Variants in PHF20L1 observed in about 807,000 individuals in gnomAD.
PHF20L1 encodes PHD finger protein 20 like 1, also known as PHD finger protein 20-like protein 1.
In PHF20L1, 44 loss-of-function variants were observed where a neutral mutation model predicts 125.5. The ratio of observed to expected loss-of-function variants is 0.35; its 90% CI spans 0.28 to 0.45. The LOEUF is 0.45. PHF20L1 is among the 20% of genes least tolerant of loss of function. The pLI is 1.00. For missense variants in PHF20L1, 1,012 were observed against 1,217.2 expected (o/e 0.83, Z 2.51); for synonymous variants, 380 against 403.1 (o/e 0.94, Z 0.69).
chr8:132,777,659 C>A, intron 1 of PHF20L1, 133 bp from the exon 2 acceptor site: 1 of 537,798 alleles, frequency 1.9e-6, no homozygotes. Context: ...AATTTCTTAA[C>A]AATTTGGCAA....
chr8:132,793,386 A>C (rs961769367), intron 2 of PHF20L1, among the ~76,000 whole-genome samples: 1 of 152,216 alleles, frequency 6.6e-6, no homozygotes, highest in Admixed American at 6.5e-5. Flanking sequence ...TTGAGCTATA[A>C]AGTAGGTAGT....
chr8:132,848,724 C>G lies in PHF20L1; in HGVS notation c.*2801C>G, dbSNP rs564124571. 8 of 146,016 alleles carry G rather than the reference C, an allele frequency of 5.5e-5. No homozygotes were observed. The South Asian group carries it at 1.9e-3, about 35-fold the overall frequency. The allele number at this position is 146,016 out of a possible 1,614,324, so 9.0% of individuals were successfully genotyped here. A position where few individuals can be genotyped will look rare whatever the true frequency, so the allele number is the denominator to read the frequency against. The stretch of plus-strand genomic sequence containing the variant: ...CTAACACTCATCTTATTTCCACTGT[C>G]TTATTTCCTCTCAGATGTTCATATT... On this transcript the variant is annotated 3_prime_UTR_variant, in exon 21 of 21. Coordinates refer to ENST00000395386, the MANE Select transcript of PHF20L1 (RefSeq NM_016018.5).
chr8:132,827,631 A>C (rs1836331589), intron 14 of PHF20L1, among the ~76,000 whole-genome samples: 1 of 152,046 alleles, frequency 6.6e-6, no homozygotes, highest in African/African-American at 2.4e-5. Flanking sequence ...GAAGGCAGGA[A>C]ATTGTAACTT....
intron 2 of PHF20L1, among the ~76,000 whole-genome samples, chr8:132,781,884 G>C (rs1586842353): frequency 6.6e-6 from 1 of 152,198 alleles, no homozygotes; most frequent in South Asian, 2.1e-4. Context: ...TTGATAATTG[G>C]ATCTCTCCTA....
intron 2 of PHF20L1, among the ~76,000 whole-genome samples, chr8:132,790,387 C>T (rs1403636796): frequency 1.3e-5 from 2 of 152,156 alleles, no homozygotes; most frequent in Non-Finnish European, 2.9e-5. Context: ...TTGCAAAGAT[C>T]TCGATATTAC....
In PHF20L1 at chr8:132,814,817, T is replaced by C. The variant is rs1834776328; in HGVS notation, c.1111T>C (p.Ser371Pro). The change falls in exon 10 of 21, where the codon TCC becomes CCC. Residue 371 changes from serine to proline, a missense_variant. Coordinates refer to ENST00000395386, the MANE Select transcript of PHF20L1 (RefSeq NM_016018.5). ...TATAAAACCCCCTAAATCACCACTT[T>C]CCCCAGAATTAATACAAGTCGAGGA... ...GCIKPPKSPLSPELIQVEDLT... is the reference protein window; with the variant it reads ...GCIKPPKSPLPPELIQVEDLT... The C allele has an allele frequency of 4.3e-6, 7 of 1,611,774 alleles. No homozygotes were observed. Among genetic ancestry groups the C allele is most frequent in the Non-Finnish European group, 5.9e-6 (7 of 1,178,188 alleles).
intron 9 of PHF20L1, chr8:132,813,310 A>T (rs1441507170): frequency 6.2e-6 from 1 of 161,196 alleles, no homozygotes; most frequent in Non-Finnish European, 1.3e-5. Context: ...TAATGAGTAA[A>T]TTCAATAATA....
At chr8:132,809,893 T>A (rs192871687) in intron 8 of PHF20L1, 2 of 152,244 alleles carry the variant, frequency 1.3e-5, no homozygotes, top group African/African-American at 2.4e-5. Context: ...CAGGGTGGCC[T>A]TAAACAAGGC....
At chr8:132,804,066 A>G in intron 7 of PHF20L1, 34 bp downstream of exon 7, 2 of 1,343,726 alleles carry the variant, frequency 1.5e-6, no homozygotes, top group South Asian at 1.2e-5. Flanking sequence ...ATTCCTTATG[A>G]CACTGGTAAA....
chr8:132,846,149 T>A lies in PHF20L1; in HGVS notation c.*226T>A. On this transcript the variant is annotated 3_prime_UTR_variant, in exon 21 of 21. Coordinates refer to ENST00000395386, the MANE Select transcript of PHF20L1 (RefSeq NM_016018.5). ...GAGCAAGCTGCAAATGAGAATGTGT[T>A]ATATGCCAAGGAACAATGAAGTAGA... 2.2e-6 allele frequency: 1 copy of A among 455,272 alleles called. No individual in the cohort carries two copies. The highest frequency in any genetic ancestry group is 4.0e-6 in the Non-Finnish European group (1 of 252,226). 28.2% of individuals were successfully genotyped at this position (455,272 alleles called of 1,614,324 possible). A position where few individuals can be genotyped will look rare whatever the true frequency, so the allele number is the denominator to read the frequency against.
chr8:132,807,970 C>G (rs1833929099), intron 8 of PHF20L1: 1 of 225,904 alleles, frequency 4.4e-6, no homozygotes, highest in African/African-American at 2.4e-5. Flanking sequence ...GTTAATTCTT[C>G]TCATTTTCTA....
At chr8:132,836,924 C>T (rs192100037) in intron 16 of PHF20L1, among the ~76,000 whole-genome samples, 1 of 152,210 alleles carries the variant, frequency 6.6e-6, no homozygotes, top group Admixed American at 6.5e-5. Context: ...CATCTCTCTT[C>T]CTTTTCTAGG....
At chr8:132,777,937 TA>T in intron 2 of PHF20L1, 26 bp downstream of exon 2, 1 of 1,332,938 alleles carries the variant, frequency 7.5e-7, no homozygotes, top group Non-Finnish European at 1.1e-6. Flanking sequence ...AACTTTCACC[TA>T]AATATCACAA....
chr8:132,811,450 T>A, intron 9 of PHF20L1: 1 of 1,014,802 alleles, frequency 9.9e-7, no homozygotes, highest in Non-Finnish European at 1.2e-6. Flanking sequence ...ACTTTCCATT[T>A]GTGAGTTAAA....
chr8:132,821,774 A>G (rs890452366), intron 12 of PHF20L1, among the ~76,000 whole-genome samples: 15 of 152,046 alleles, frequency 9.9e-5, no homozygotes, highest in African/African-American at 3.6e-4. Flanking sequence ...CTCTGACTCT[A>G]ACTAGAGTAG....
chr8:132,842,819 A>T lies in PHF20L1; in HGVS notation c.2692A>T (p.Met898Leu). 1 of 1,612,888 alleles carries T rather than the reference A, an allele frequency of 6.2e-7. No individual in the cohort carries two copies. Residue 898 changes from methionine (M) to leucine (L), a missense_variant, in exon 19 of 21, where the codon ATG (methionine) becomes TTG (leucine). This residue lies in a region of PHF20L1 where 277 missense variants were observed against 283.6 expected (regional missense o/e 0.98). Coordinates refer to ENST00000395386, the MANE Select transcript of PHF20L1 (RefSeq NM_016018.5). ...SSLEEEQEFH[M>L]RSKNSLQYSA... ...TTTGGAAGAAGAACAAGAATTCCAC[A>T]TGAGAAGTAAAAACAGTTTACAGTA...
intron 4 of PHF20L1, among the ~76,000 whole-genome samples, chr8:132,795,256 G>A (rs558966846): frequency 1.3e-5 from 2 of 152,140 alleles, no homozygotes; most frequent in East Asian, 1.9e-4. Context: ...TTACCAGTTC[G>A]AGGATTTCCC....
chr8:132,815,048 C>T lies in PHF20L1; in HGVS notation c.1183+159C>T, dbSNP rs1834800788. The T allele has an allele frequency of 7.4e-6, 4 of 541,640 alleles. No individual in the cohort carries two copies. The Admixed American group carries it at 1.0e-4, about 14-fold the overall frequency. The allele number at this position is 541,640 out of a possible 1,614,324, so 33.6% of individuals were successfully genotyped here. On this transcript the variant is annotated intron_variant, in intron 10 of 20. Transcript: ENST00000395386. Reference sequence around the variant, plus strand: ...CTATTTCAGGGGCAAAAACCATAGACATTTCTTACTGATTTATTGCTTAGA... The same window carrying T: ...CTATTTCAGGGGCAAAAACCATAGATATTTCTTACTGATTTATTGCTTAGA...
chr8:132,790,802 T>C (rs931959053), intron 2 of PHF20L1, among the ~76,000 whole-genome samples: 1 of 152,238 alleles, frequency 6.6e-6, no homozygotes, highest in Non-Finnish European at 1.5e-5. Flanking sequence ...GTCTATATTC[T>C]ATATGTCCCC....
Sources: allele counts gnomAD v4.1 joint callset (sites outside exome capture counted in the v4.1 genomes callset), GRCh38; gene constraint gnomAD v4.1.1; regional missense constraint gnomAD v4.1.1; transcripts MANE v1.5; gene names NCBI Gene and HGNC (gene_info 2026-07-23, HGNC 2026-07-21).